PTK2B: variants seen among roughly 807,000 people sequenced by gnomAD.
The protein encoded by PTK2B is protein tyrosine kinase 2 beta, also known as protein-tyrosine kinase 2-beta.
In PTK2B, 71 loss-of-function variants were observed where a neutral mutation model predicts 142.9. The observed-to-expected ratio is 0.50, with a 90% CI of 0.41 to 0.61. PTK2B has a LOEUF of 0.61. Ranked by LOEUF, PTK2B falls within the 20% of genes least tolerant of loss-of-function variation. PTK2B has a pLI of 0.00. For missense variants in PTK2B, 1,105 were observed against 1,320.4 expected, an observed-to-expected ratio of 0.84 and a Z score of 2.53; for synonymous variants, 519 against 503.4, an observed-to-expected ratio of 1.03 and a Z score of -0.42.
chr8:27,366,594 G>A (rs1274961412), intron 1 of PTK2B, among the ~76,000 whole-genome samples: 3 of 152,188 alleles, frequency 2.0e-5, no homozygotes, highest in African/African-American at 7.2e-5. Context: ...TTACCACTTG[G>A]CGTCTAGCTC....
At chr8:27,397,314 C>T in intron 1 of PTK2B, 1 of 495,224 alleles carries the variant, frequency 2.0e-6, no homozygotes, top group Non-Finnish European at 3.7e-6. Context: ...AGAGCTCATA[C>T]CCCTGGGAGC....
chr8:27,451,130 C>T (rs764532542), intron 26 of PTK2B, 52 bp downstream of exon 26: 47 of 1,577,616 alleles, frequency 3.0e-5, no homozygotes, highest in Non-Finnish European at 3.7e-5. Context: ...GGGAAGGCCT[C>T]GCCCACCATA....
At chr8:27,410,153 G>T (rs1808971333) in intron 2 of PTK2B, among the ~76,000 whole-genome samples, 1 of 152,252 alleles carries the variant, frequency 6.6e-6, no homozygotes, top group Non-Finnish European at 1.5e-5. Flanking sequence ...AATTAAGCCT[G>T]GGAAGCAGTT....
Position 27,362,808 on chromosome 8 carries a change from TCTCCCACACGAAATCTAGAACTG to T in PTK2B, c.-37-34710_-37-34688del, listed in dbSNP as rs1213129581. Among the ~76,000 whole-genome samples the T allele has an allele frequency of 3.5e-3, 527 of 152,124 alleles. 4 individuals carry two copies. The highest frequency in any genetic ancestry group is 0.029 in the South Asian group (139 of 4,816). On this transcript the variant is annotated intron_variant, in intron 1 of 30. Coordinates refer to ENST00000346049, the MANE Select transcript of PTK2B (RefSeq NM_173176.3). ...CTGTTCCCACGTGAAATCTAGAACT[TCTCCCACACGAAATCTAGAACTG>T]CTCCCACACGAAATCTAGAACTGCT...
chr8:27,455,127 G>T (rs765732000), intron 30 of PTK2B, among the ~76,000 whole-genome samples: 10 of 152,200 alleles, frequency 6.6e-5, no homozygotes, highest in Admixed American at 1.3e-4. Flanking sequence ...CTGAAAACAT[G>T]CCACCTTCCA....
intron 28 of PTK2B, chr8:27,453,912 T>C (rs2132515289): frequency 2.0e-6 from 1 of 491,184 alleles, no homozygotes; most frequent in African/African-American, 2.0e-5. Flanking sequence ...TATGTCCAGG[T>C]GGTGGTTCTA....
chr8:27,388,512 C>T (rs1013062543), intron 1 of PTK2B, among the ~76,000 whole-genome samples: 1 of 152,224 alleles, frequency 6.6e-6, no homozygotes, highest in Non-Finnish European at 1.5e-5. Flanking sequence ...GGTGCCACCA[C>T]TACAGGCAAC....
chr8:27,444,295 G>C, intron 23 of PTK2B, 24 bp downstream of exon 23: 1 of 1,601,980 alleles, frequency 6.2e-7, no homozygotes, highest in Non-Finnish European at 8.6e-7. Flanking sequence ...CAGAGGACGG[G>C]AACTTCAGGT....
chr8:27,391,183 G>A (rs985863017), intron 1 of PTK2B, among the ~76,000 whole-genome samples: 1 of 151,196 alleles, frequency 6.6e-6, no homozygotes, highest in African/African-American at 2.4e-5. Context: ...TGCAAGCTCC[G>A]TCTCCCGGGT....
chr8:27,333,683 G>A (rs150812969), intron 1 of PTK2B, among the ~76,000 whole-genome samples: 27 of 152,088 alleles, frequency 1.8e-4, no homozygotes, highest in Admixed American at 9.2e-4. Flanking sequence ...CAGCCTGGCC[G>A]CTTCCCCCTG....
At chr8:27,443,727 G>T (rs1811299635) in intron 22 of PTK2B, among the ~76,000 whole-genome samples, 1 of 152,170 alleles carries the variant, frequency 6.6e-6, no homozygotes, top group Non-Finnish European at 1.5e-5. Context: ...TGAAAAGGGG[G>T]ACAAATATTC....
In PTK2B at chr8:27,431,418, G is replaced by T. The variant is rs201163206; in HGVS notation, c.831G>T (p.Val277=). The change falls in exon 9 of 31, where the codon GTG becomes GTT. Residue 277 remains valine, a synonymous_variant. Coordinates refer to ENST00000346049, the MANE Select transcript of PTK2B (RefSeq NM_173176.3). The part of the protein sequence containing the change: ...CELIQGWNIT[V]DLVIGPKGIR... ...TCCAGCAAGGATGGAACATTACTGT[G>T]GACCTGGTCATTGGCCCTAAAGGGA... is the stretch of plus-strand genomic sequence containing the variant. 55 of 1,614,102 alleles carry T rather than the reference G, an allele frequency of 3.4e-5. No homozygotes were observed. The highest frequency in any genetic ancestry group is 4.4e-5 in the Non-Finnish European group (52 of 1,180,044).
chr8:27,458,511 G>C lies in PTK2B; in HGVS notation c.*2G>C. 3.2e-6 allele frequency: 5 copies of C among 1,560,198 alleles called. No individual in the cohort carries two copies. The highest frequency in any genetic ancestry group is 4.3e-6 in the Non-Finnish European group (5 of 1,153,226). On this transcript the variant is annotated 3_prime_UTR_variant, in exon 31 of 31. Coordinates refer to ENST00000346049, the MANE Select transcript of PTK2B (RefSeq NM_173176.3). ...CTGGCCCACCCACCTGCAGAGTGAC[G>C]GAGGGTGGGGGCCACCTGCCTGCGT...
At chr8:27,427,728 C>G (rs1810169128) in intron 5 of PTK2B, among the ~76,000 whole-genome samples, 1 of 152,120 alleles carries the variant, frequency 6.6e-6, no homozygotes, top group Non-Finnish European at 1.5e-5. Flanking sequence ...CTGCCGTGGT[C>G]AGTCGCATGG....
intron 1 of PTK2B, among the ~76,000 whole-genome samples, chr8:27,381,766 T>G (rs945739006): frequency 6.6e-6 from 1 of 152,232 alleles, no homozygotes; most frequent in Non-Finnish European, 1.5e-5. Flanking sequence ...CTAATTTACA[T>G]TCCCACCAAT....
intron 1 of PTK2B, among the ~76,000 whole-genome samples, chr8:27,348,296 C>T (rs1454584822): frequency 6.6e-6 from 1 of 152,180 alleles, no homozygotes; most frequent in East Asian, 1.9e-4. Context: ...TGCTTGTTTC[C>T]AGCCGTGCGG....
chr8:27,360,124 GGTCT>G (rs1290029585), intron 1 of PTK2B, among the ~76,000 whole-genome samples: 1 of 152,166 alleles, frequency 6.6e-6, no homozygotes, highest in Non-Finnish European at 1.5e-5. Context: ...GTCGACATTA[GGTCT>G]GTCTATTACA....
At chr8:27,421,585 GAA>G (rs1809757926) in intron 4 of PTK2B, among the ~76,000 whole-genome samples, 1 of 152,178 alleles carries the variant, frequency 6.6e-6, no homozygotes, top group African/African-American at 2.4e-5. Flanking sequence ...AATTCACTTA[GAA>G]TAATGGTCTC....
Position 27,337,099 on chromosome 8 carries a change from A to G in PTK2B, c.-38+11418A>G, listed in dbSNP as rs989755709. On this transcript the variant is annotated intron_variant, in intron 1 of 30. Transcript: ENST00000346049. ...TCACCTTTTAAAAATGTGCAATTCA[A>G]TGAGTTTTAGTACGTTCACAGAGTT... Among the ~76,000 whole-genome samples the G allele has an allele frequency of 2.4e-4, 36 of 151,834 alleles. 1 individual carries two copies. The highest frequency in any genetic ancestry group is 8.0e-4 in the African/African-American group (33 of 41,274).
Sources: gnomAD v4.1 joint callset for allele counts (sites outside exome capture counted in the v4.1 genomes callset) on GRCh38, gnomAD v4.1.1 for gene constraint, MANE v1.5 for transcripts, NCBI Gene and HGNC (gene_info 2026-07-23, HGNC 2026-07-21) for gene names.